Variants in SNRPG observed in about 807,000 individuals in gnomAD.
SNRPG encodes the protein small nuclear ribonucleoprotein G.
A neutral mutation model predicts 13.9 loss-of-function variants in SNRPG; 3 were observed. That is an observed-to-expected ratio of 0.22 (90% CI 0.10 to 0.56). SNRPG has a LOEUF of 0.56. SNRPG is among the 20% of genes least tolerant of loss of function. The probability of loss-of-function intolerance (pLI) is 0.93; values close to 1 mark genes in which losing one functional copy is unlikely to be tolerated. For missense variants in SNRPG, 34 were observed against 96.1 expected, an observed-to-expected ratio of 0.35 and a Z score of 2.70; for synonymous variants, 29 against 29.3, an observed-to-expected ratio of 0.99 and a Z score of 0.03.
At chr2:70,285,674 A>T (rs1469053195) in intron 3 of SNRPG, among the ~76,000 whole-genome samples, 1 of 152,140 alleles carries the variant, frequency 6.6e-6, no homozygotes, top group African/African-American at 2.4e-5. Flanking sequence ...GGCCTATTGT[A>T]GTGCTCTTCC....
intron 3 of SNRPG, among the ~76,000 whole-genome samples, chr2:70,287,639 G>A (rs1696975818): frequency 6.6e-6 from 1 of 152,216 alleles, no homozygotes; most frequent in South Asian, 2.1e-4. Flanking sequence ...AGTGTTACCT[G>A]TGAACTGGCA....
At chr2:70,293,113 A>C (rs1697144901) in intron 1 of SNRPG, 1 of 702,244 alleles carries the variant, frequency 1.4e-6, no homozygotes, top group African/African-American at 1.7e-5. Flanking sequence ...GAAGGCAAGA[A>C]AAAGGAATGA....
chr2:70,283,927 G>A (rs571773981), intron 3 of SNRPG, among the ~76,000 whole-genome samples: 9 of 152,124 alleles, frequency 5.9e-5, no homozygotes, highest in Non-Finnish European at 1.2e-4. Context: ...GGGTGGTGGT[G>A]CACACCTGTG....
intron 1 of SNRPG, chr2:70,293,326 T>TGAA (rs1370934452): frequency 2.0e-5 from 13 of 650,698 alleles, no homozygotes; most frequent in Non-Finnish European, 3.6e-5. Context: ...GCACTGGAGA[T>TGAA]CTTCAAGGAA....
chr2:70,293,453 C>A, intron 1 of SNRPG, 165 bp downstream of exon 1: 1 of 733,954 alleles, frequency 1.4e-6, no homozygotes, highest in East Asian at 2.5e-5. Flanking sequence ...TCTGCGCGGG[C>A]TTCACGTCTC....
At chr2:70,282,584 A>T (rs1280678915) in intron 3 of SNRPG, among the ~76,000 whole-genome samples, 1 of 152,244 alleles carries the variant, frequency 6.6e-6, no homozygotes, top group Non-Finnish European at 1.5e-5. Context: ...AAAGCTTCAA[A>T]TGCCAATCTT....
At chr2:70,285,242 A>G (rs1452244287) in intron 3 of SNRPG, among the ~76,000 whole-genome samples, 1 of 152,182 alleles carries the variant, frequency 6.6e-6, no homozygotes, top group African/African-American at 2.4e-5. Flanking sequence ...TATGGTAAGG[A>G]CGAATCTTCT....
Position 70,293,688 on chromosome 2 carries a change from A to G in SNRPG, c.-39T>C, listed in dbSNP as rs1232366380. The G allele has an allele frequency of 1.2e-6, 2 of 1,605,108 alleles. No homozygotes were observed. The highest frequency in any genetic ancestry group is 1.7e-5 in the Admixed American group (1 of 60,008). ...CGGGCTCACAGATGCCTTGGAACGC[A>G]ACGCACGGCTTTCCTCACGCTCCCG... is the stretch of plus-strand genomic sequence containing the variant. On this transcript the variant is annotated 5_prime_UTR_variant, in exon 1 of 4. Coordinates refer to ENST00000272348, the MANE Select transcript of SNRPG (RefSeq NM_003096.4).
chr2:70,287,138 C>A, intron 3 of SNRPG: 1 of 582,186 alleles, frequency 1.7e-6, no homozygotes, highest in Non-Finnish European at 3.0e-6. Flanking sequence ...TAACACAAAC[C>A]TTGGAAAGAA....
intron 2 of SNRPG, among the ~76,000 whole-genome samples, chr2:70,288,589 A>G (rs1697000719): frequency 1.3e-5 from 2 of 152,294 alleles, no homozygotes; most frequent in South Asian, 4.1e-4. Context: ...ATGGTTATAC[A>G]GCTACTGTAC....
At chr2:70,285,669 A>G (rs1334772380) in intron 3 of SNRPG, among the ~76,000 whole-genome samples, 1 of 152,140 alleles carries the variant, frequency 6.6e-6, no homozygotes, top group East Asian at 1.9e-4. Context: ...AAGGAGGCCT[A>G]TTGTAGTGCT....
chr2:70,292,772 T>C (rs934327711), intron 1 of SNRPG: 2 of 197,024 alleles, frequency 1.0e-5, no homozygotes, highest in African/African-American at 2.3e-5. Context: ...TGTAAAAATT[T>C]TGCATCCTTT....
chr2:70,282,696 G>A (rs914364048), intron 3 of SNRPG, among the ~76,000 whole-genome samples: 1 of 152,038 alleles, frequency 6.6e-6, no homozygotes, highest in Non-Finnish European at 1.5e-5. Context: ...ATATAAATAC[G>A]CCGAAGTTTG....
chr2:70,291,032 CACACACACACACACACACACACACACAT>C (rs1291991880), intron 1 of SNRPG, among the ~76,000 whole-genome samples: 1 of 131,792 alleles, frequency 7.6e-6, no homozygotes, highest in East Asian at 2.9e-4. Context: ...CACACACACA[CACACACACACACACACACACACACACAT>C]ATATGAAGTA....
intron 3 of SNRPG, among the ~76,000 whole-genome samples, chr2:70,284,770 C>A (rs1157590953): frequency 1.3e-5 from 2 of 152,132 alleles, no homozygotes; most frequent in African/African-American, 2.4e-5. Context: ...GAAAAGCTAG[C>A]CTTCCTGCCT....
intron 1 of SNRPG, among the ~76,000 whole-genome samples, chr2:70,292,098 C>A (rs1697114764): frequency 6.6e-6 from 1 of 151,870 alleles, no homozygotes; most frequent in Non-Finnish European, 1.5e-5. Context: ...CAAGCGCCCG[C>A]CACCAAGCCC....
chr2:70,282,786 G>A (rs1696826976), intron 3 of SNRPG, among the ~76,000 whole-genome samples: 1 of 152,118 alleles, frequency 6.6e-6, no homozygotes, highest in African/African-American at 2.4e-5. Context: ...TAGTAGATAA[G>A]CCATAAATGA....
At chr2:70,283,851 G>T (rs1696875127) in intron 3 of SNRPG, among the ~76,000 whole-genome samples, 1 of 152,170 alleles carries the variant, frequency 6.6e-6, no homozygotes, top group African/African-American at 2.4e-5. Flanking sequence ...TTGAGCCCAG[G>T]AGTTTGAGAC....
intron 3 of SNRPG, among the ~76,000 whole-genome samples, chr2:70,283,189 A>C (rs1276782608): frequency 6.6e-6 from 1 of 151,686 alleles, no homozygotes; most frequent in African/African-American, 2.4e-5. Flanking sequence ...ATCAGCTGGT[A>C]AATGAATTCA....
Sources: allele counts gnomAD v4.1 joint callset (sites outside exome capture counted in the v4.1 genomes callset), GRCh38; gene constraint gnomAD v4.1.1; transcripts MANE v1.5; gene names NCBI Gene and HGNC (gene_info 2026-07-23, HGNC 2026-07-21).